Variants in FRMD8 observed in about 807,000 individuals in gnomAD.
FRMD8 encodes FERM domain-containing protein 8.
In FRMD8, 37 loss-of-function variants were observed where a neutral mutation model predicts 54.2. The observed-to-expected ratio is 0.68, with a 90% CI of 0.53 to 0.90. FRMD8 has a LOEUF of 0.90. Among genes scored for constraint, FRMD8 ranks in the 40% least tolerant of loss-of-function variants. The pLI, the probability that FRMD8 is intolerant of heterozygous loss-of-function variation, is 0.00. For synonymous variants in FRMD8, 246 were observed against 286.9 expected (o/e 0.86, Z 1.44); for missense variants, 585 against 653.7 (o/e 0.89, Z 1.15).
the FRMD8 span, chr11:65,377,177 C>G: frequency 6.8e-7 from 1 of 1,481,316 alleles, no homozygotes; most frequent in Non-Finnish European, 8.9e-7. Context: ...GCCACATCTT[C>G]CAGTCCCTCA....
At chr11:65,380,342 C>T in the FRMD8 span, 3 of 1,018,604 alleles carry the variant, frequency 2.9e-6, no homozygotes, top group Non-Finnish European at 4.3e-6. Flanking sequence ...GCTGCCCCTG[C>T]CACCCCCTCC....
the FRMD8 span, among the ~76,000 whole-genome samples, chr11:65,372,819 G>A: frequency 3.9e-5 from 6 of 152,264 alleles, no homozygotes; most frequent in South Asian, 8.3e-4. Flanking sequence ...CTCCTCATGC[G>A]TCCTGTTTGC....
chr11:65,396,794 C>T lies in FRMD8; in HGVS notation c.582-5C>T. On this transcript the variant is annotated splice_region_variant and splice_polypyrimidine_tract_variant and intron_variant, in intron 6 of 10. Transcript: ENST00000317568. Reference sequence around the variant, plus strand: ...CCGCTAGCACCTGTCTTCCTTCCTCCACAGGGAGAAGCTGGACTCCTTCCT... The same window carrying T: ...CCGCTAGCACCTGTCTTCCTTCCTCTACAGGGAGAAGCTGGACTCCTTCCT... The T allele has an allele frequency of 1.3e-6, 2 of 1,516,414 alleles. No individual in the cohort carries two copies. The highest frequency in any genetic ancestry group is 1.8e-6 in the Non-Finnish European group (2 of 1,131,940). 93.9% of individuals were successfully genotyped at this position (1,516,414 alleles called of 1,614,324 possible).
Position 65,387,352 on chromosome 11 carries a change from G to A in FRMD8, c.85+231G>A, listed in dbSNP as rs1855754269. 1.7e-5 allele frequency: 11 copies of A among 637,674 alleles called. No individual in the cohort carries two copies. In the South Asian group the frequency reaches 2.0e-4, roughly 12 times the overall value. The allele number at this position is 637,674 out of a possible 1,614,324, so 39.5% of individuals were successfully genotyped here. On this transcript the variant is annotated intron_variant, in intron 2 of 10. Transcript: ENST00000317568. Reference sequence around the variant, plus strand: ...AAATGAGCTTGTTTAACATAGCTGTGAAATTCAAATGAGATTATATGAATG... The same window carrying A: ...AAATGAGCTTGTTTAACATAGCTGTAAAATTCAAATGAGATTATATGAATG...
chr11:65,370,061 T>A, the FRMD8 span, among the ~76,000 whole-genome samples: 1 of 150,000 alleles, frequency 6.7e-6, no homozygotes, highest in Non-Finnish European at 1.5e-5. Flanking sequence ...ATAAATAAAA[T>A]ATAAATAAAA....
chr11:65,377,551 C>G, the FRMD8 span: 2 of 344,882 alleles, frequency 5.8e-6, no homozygotes, highest in Non-Finnish European at 8.2e-6. Flanking sequence ...CTCTCAGAGG[C>G]CCGGAGGGGC....
rs1168233952 is a variant in FRMD8 at position 65,404,847 on chromosome 11, T to A, written c.1072-17T>A. On this transcript the variant is annotated splice_polypyrimidine_tract_variant and intron_variant, in intron 9 of 10. Coordinates refer to ENST00000317568, the MANE Select transcript of FRMD8 (RefSeq NM_031904.5). This position sits in a 1 kb window ranked among gnomAD's most constrained non-coding sequence, Gnocchi z 4.7. ...AGGGGGCCCTGGCCAGGCCTCACAC[T>A]GCCCCCTCCTCCCCAGGCCGAACTG... The A allele has an allele frequency of 6.2e-7, 1 of 1,603,344 alleles. No homozygotes were observed. The highest frequency in any genetic ancestry group is 8.5e-7 in the Non-Finnish European group (1 of 1,172,512).
intron 2 of FRMD8, 90 bp from the exon 3 acceptor site, chr11:65,389,271 G>GC (rs1855792102): frequency 7.6e-7 from 1 of 1,313,662 alleles, no homozygotes; most frequent in Admixed American, 1.7e-5. Context: ...GGGGGCTCCA[G>GC]CCCCAGTGGG....
chr11:65,381,009 G>A, the FRMD8 span: 2 of 156,566 alleles, frequency 1.3e-5, no homozygotes, highest in African/African-American at 4.8e-5. Context: ...CTCTGCAGGT[G>A]TCAGGCAGAG....
rs1034585578 is a variant in FRMD8 at position 65,405,125 on chromosome 11, G to T, written c.1276+57G>T. ...AAACACGCATGCGCGTGCACACACC[G>T]GGGGGAGTTCCTGAGGACAGGGCAT... On this transcript the variant is annotated intron_variant, in intron 10 of 10. Transcript: ENST00000317568. 7 of 1,522,054 alleles carry T rather than the reference G, an allele frequency of 4.6e-6. No homozygotes were observed. In the African/African-American group the frequency reaches 5.5e-5, roughly 12 times the overall value. The allele number at this position is 1,522,054 out of a possible 1,614,324, so 94.3% of individuals were successfully genotyped here. A position where few individuals can be genotyped will look rare whatever the true frequency, so the allele number is the denominator to read the frequency against.
At position 65,394,359 on chromosome 11, in the gene FRMD8, G is replaced by T; in HGVS notation, c.515G>T (p.Gly172Val). ...PCDVEDCEAL[G>V]ALVCRVQLGP... The stretch of plus-strand genomic sequence containing the variant: ...GACGTGGAGGACTGCGAGGCTCTGG[G>T]CGCCCTGGTGTGCCGCGTGCAGCTT... Residue 172 changes from glycine to valine, a missense_variant, in exon 6 of 11, where the codon GGC (glycine) becomes GTC (valine). Gly to Val is a moderately radical substitution (Grantham distance 109, BLOSUM62 -3). Coordinates refer to ENST00000317568, the MANE Select transcript of FRMD8 (RefSeq NM_031904.5). The T allele has an allele frequency of 6.3e-7, 1 of 1,578,108 alleles. No individual in the cohort carries two copies. Among genetic ancestry groups the T allele is most frequent in the Middle Eastern group, 1.7e-4 (1 of 5,998 alleles).
the FRMD8 span, chr11:65,379,980 G>A: frequency 6.2e-7 from 1 of 1,611,272 alleles, no homozygotes; most frequent in African/African-American, 1.3e-5. Context: ...GGGATGGGCA[G>A]GTGGGCCAAC....
intron 2 of FRMD8, among the ~76,000 whole-genome samples, chr11:65,387,929 C>G (rs970505980): frequency 2.6e-5 from 4 of 151,996 alleles, no homozygotes; most frequent in African/African-American, 7.2e-5. Flanking sequence ...TTTGGGAGGC[C>G]GAGGCGGGTG....
chr11:65,390,254 G>T (rs550664773), intron 3 of FRMD8, among the ~76,000 whole-genome samples: 26 of 152,242 alleles, frequency 1.7e-4, no homozygotes, highest in African/African-American at 6.0e-4. Flanking sequence ...CTCAGCCCAG[G>T]GTCCCTCAGT....
chr11:65,380,553 T>G, the FRMD8 span: 1 of 1,334,258 alleles, frequency 7.5e-7, no homozygotes, highest in Non-Finnish European at 9.8e-7. Context: ...AGCTTTACTC[T>G]TCTTTCTTCA....
chr11:65,395,127 A>G (rs887466943), intron 6 of FRMD8, among the ~76,000 whole-genome samples: 22 of 152,222 alleles, frequency 1.4e-4, no homozygotes, highest in African/African-American at 5.3e-4. Context: ...CACACCTGTA[A>G]TCCCAGCCGT....
chr11:65,397,260 G>A (rs902254675), intron 7 of FRMD8, among the ~76,000 whole-genome samples: 3 of 152,184 alleles, frequency 2.0e-5, no homozygotes, highest in African/African-American at 7.2e-5. Flanking sequence ...CAGTCACCTC[G>A]TCACTGGCCC....
At position 65,399,159 on chromosome 11, in the gene FRMD8, G is replaced by T. The variant is rs371149942; in HGVS notation, c.804-577G>T. Among the ~76,000 whole-genome samples, 9 of 152,052 alleles carry T rather than the reference G, an allele frequency of 5.9e-5. No homozygotes were observed. In the East Asian group the frequency reaches 1.2e-3, roughly 20 times the overall value. On this transcript the variant is annotated intron_variant, in intron 7 of 10. Transcript: ENST00000317568. The stretch of plus-strand genomic sequence containing the variant: ...ATTACAGGTGCCCACCACCATGCCC[G>T]GCTAATTTTTTTTGTATTTTTAGTA...
the FRMD8 span, chr11:65,379,656 T>A: frequency 6.6e-6 from 9 of 1,373,084 alleles, no homozygotes; most frequent in Middle Eastern, 2.0e-4. Context: ...TGGAAACTGC[T>A]CCCAAGTCCT....
Sources: gnomAD v4.1 joint callset for allele counts (sites outside exome capture counted in the v4.1 genomes callset) on GRCh38, gnomAD v4.1.1 for gene constraint, Gnocchi (gnomAD v3.1) non-coding constraint, MANE v1.5 for transcripts, NCBI Gene and HGNC (gene_info 2026-07-23, HGNC 2026-07-21) for gene names.